SFMBT2: variants seen among roughly 807,000 people sequenced by gnomAD.
SFMBT2 encodes the protein Scm like with four mbt domains 2.
Under a neutral mutation model 110.1 loss-of-function variants are expected in SFMBT2, and 38 were observed. The ratio of observed to expected loss-of-function variants is 0.35; its 90% CI spans 0.27 to 0.45. The LOEUF (loss-of-function observed/expected upper bound fraction) is 0.45, where lower values mean the gene tolerates loss of function less well. SFMBT2 is among the 20% of genes least tolerant of loss of function. SFMBT2 has a pLI of 1.00. For synonymous variants in SFMBT2, 425 were observed against 425.4 expected (o/e 1.00, Z 0.01); for missense variants, 1,011 against 1,094.9 (o/e 0.92, Z 1.08).
At chr10:7,336,548 G>A (rs1042988285) in intron 4 of SFMBT2, among the ~76,000 whole-genome samples, 3 of 152,172 alleles carry the variant, frequency 2.0e-5, no homozygotes, top group African/African-American at 4.8e-5. Flanking sequence ...CCAGCACTTG[G>A]GAAGGCTGAG....
chr10:7,401,891 G>A (rs1458831764), intron 1 of SFMBT2, among the ~76,000 whole-genome samples: 1 of 152,164 alleles, frequency 6.6e-6, no homozygotes. Flanking sequence ...GCACAACCAT[G>A]CATCTCATTC....
intron 20 of SFMBT2, chr10:7,164,327 A>G: frequency 5.3e-6 from 4 of 758,894 alleles, no homozygotes; most frequent in Non-Finnish European, 6.4e-6. Flanking sequence ...TTGAGGTTGC[A>G]GTGAGCTGTG....
intron 4 of SFMBT2, among the ~76,000 whole-genome samples, chr10:7,365,214 C>G (rs1588483715): frequency 6.6e-6 from 1 of 152,306 alleles, no homozygotes; most frequent in African/African-American, 2.4e-5. Flanking sequence ...AGCCATTCTC[C>G]AGCACTCACC....
rs1440686275 is a variant in SFMBT2, at chr10:7,181,328, CATAAT to C, written c.1809-5168_1809-5164del. Among the ~76,000 whole-genome samples, 5 of 149,994 alleles carry C rather than the reference CATAAT, an allele frequency of 3.3e-5. No individual in the cohort carries two copies. The East Asian group carries it at 5.9e-4, about 18-fold the overall frequency. On this transcript the variant is annotated intron_variant, in intron 16 of 20. Transcript: ENST00000397167. ...AAATTCTGAAATTTTTGAGTGTCAA[CATAAT>C]ATAAGTATACTGCAAGTATTCCAAA...
At chr10:7,347,335 C>A (rs1306091159) in intron 4 of SFMBT2, among the ~76,000 whole-genome samples, 2 of 152,160 alleles carry the variant, frequency 1.3e-5, no homozygotes, top group African/African-American at 2.4e-5. Flanking sequence ...GAAGAAAGAG[C>A]AGTAAACTTC....
chr10:7,378,449 A>C, intron 2 of SFMBT2, among the ~76,000 whole-genome samples: 1 of 20,998 alleles, frequency 4.8e-5, no homozygotes, highest in Admixed American at 6.5e-4. Context: ...GTGTGGGTGT[A>C]TGTGTGGATG....
intron 1 of SFMBT2, among the ~76,000 whole-genome samples, chr10:7,409,606 C>T (rs952678824): frequency 2.0e-5 from 3 of 152,050 alleles, no homozygotes; most frequent in African/African-American, 7.2e-5. Flanking sequence ...TCCCTTTCCC[C>T]CCTAGCAATG....
intron 14 of SFMBT2, 106 bp downstream of exon 14, chr10:7,200,308 G>T: frequency 2.3e-6 from 2 of 863,892 alleles, no homozygotes; most frequent in South Asian, 3.2e-5. Flanking sequence ...AAACAGAATA[G>T]GCTCAACGTT....
At chr10:7,253,507 A>C (rs1257431215) in intron 7 of SFMBT2, among the ~76,000 whole-genome samples, 1 of 152,220 alleles carries the variant, frequency 6.6e-6, no homozygotes, top group Non-Finnish European at 1.5e-5. Flanking sequence ...GTGATGTTAG[A>C]AGTGTTGTGG....
At chr10:7,300,449 G>A (rs1269948663) in intron 4 of SFMBT2, among the ~76,000 whole-genome samples, 2 of 152,136 alleles carry the variant, frequency 1.3e-5, no homozygotes, top group African/African-American at 2.4e-5. Context: ...AACTTCCAAG[G>A]TAGTCTTTTG....
At chr10:7,302,852 A>ACT in intron 4 of SFMBT2, among the ~76,000 whole-genome samples, 1 of 152,134 alleles carries the variant, frequency 6.6e-6, no homozygotes, top group South Asian at 2.1e-4. Flanking sequence ...TGACTCCCTC[A>ACT]CTCTCTCTCT....
At chr10:7,337,789 T>C (rs1260226529) in intron 4 of SFMBT2, among the ~76,000 whole-genome samples, 1 of 152,226 alleles carries the variant, frequency 6.6e-6, no homozygotes, top group Non-Finnish European at 1.5e-5. Context: ...TCAGGCCCTC[T>C]GTACCTGCCC....
intron 2 of SFMBT2, among the ~76,000 whole-genome samples, chr10:7,377,337 G>T (rs1037941683): frequency 6.6e-6 from 1 of 152,268 alleles, no homozygotes; most frequent in South Asian, 2.1e-4. Context: ...ACCAGGGACT[G>T]GTTTTGTGGA....
chr10:7,332,405 T>C lies in SFMBT2; in HGVS notation c.436+35244A>G, dbSNP rs1489029097. 2.0e-5 allele frequency among the ~76,000 whole-genome samples: 3 copies of C among 152,216 alleles called. No individual in the cohort carries two copies. The East Asian group carries it at 5.8e-4, about 29-fold the overall frequency. ...AAAGGGTGCTATTCATCAATAGCAA[T>C]TAAAAGCTCTACTATTTATGCATAT... On this transcript the variant is annotated intron_variant, in intron 4 of 20. Coordinates refer to ENST00000397167, the MANE Select transcript of SFMBT2 (RefSeq NM_001387889.1).
chr10:7,376,623 C>T (rs974758982), intron 2 of SFMBT2, among the ~76,000 whole-genome samples: 4 of 133,990 alleles, frequency 3.0e-5, no homozygotes, highest in Admixed American at 8.7e-5. Context: ...GGCGTGAACC[C>T]GAGAGGAGGA....
At chr10:7,355,783 G>A (rs894422600) in intron 4 of SFMBT2, among the ~76,000 whole-genome samples, 1 of 152,154 alleles carries the variant, frequency 6.6e-6, no homozygotes, top group Non-Finnish European at 1.5e-5. Flanking sequence ...CTGCTCTCCA[G>A]CCTGGGCGAC....
At position 7,228,738 on chromosome 10, in the gene SFMBT2, T is replaced by TTCTC. The variant is rs56871421; in HGVS notation, c.1121-805_1121-802dup. ...TTCTTTCTTTCTTTCTTTCTTTCCTTTCTCTCTCTCTCTCTCTCTCTCTCT... is the reference window on the plus strand; with the variant it reads ...TTCTTTCTTTCTTTCTTTCTTTCCTTTCTCTCTCTCTCTCTCTCTCTCTCTCTCT... On this transcript the variant is annotated intron_variant, in intron 9 of 20. Coordinates refer to ENST00000397167, the MANE Select transcript of SFMBT2 (RefSeq NM_001387889.1). Among the ~76,000 whole-genome samples the TTCTC allele has an allele frequency of 1.8e-3, 112 of 62,518 alleles. 5 individuals carry two copies. The highest frequency in any genetic ancestry group is 3.0e-3 in the East Asian group (6 of 1,976). 41.0% of individuals were successfully genotyped at this position (62,518 alleles called of 152,430 possible).
intron 7 of SFMBT2, among the ~76,000 whole-genome samples, chr10:7,264,561 A>G (rs1002411765): frequency 2.6e-5 from 4 of 152,310 alleles, no homozygotes; most frequent in Non-Finnish European, 5.9e-5. Flanking sequence ...GGAGGTGATA[A>G]GAGAATGGAT....
chr10:7,269,577 C>T (rs995939847), intron 7 of SFMBT2, among the ~76,000 whole-genome samples: 2 of 152,166 alleles, frequency 1.3e-5, no homozygotes, highest in African/African-American at 4.8e-5. Context: ...CATAACAACA[C>T]GCATCTCAGA....
Sources: gnomAD v4.1 joint callset for allele counts (sites outside exome capture counted in the v4.1 genomes callset) on GRCh38, gnomAD v4.1.1 for gene constraint, MANE v1.5 for transcripts, NCBI Gene and HGNC (gene_info 2026-07-23, HGNC 2026-07-21) for gene names.